Variants in ABCA13 observed in about 807,000 individuals in gnomAD.
The protein encoded by ABCA13 is ATP-binding cassette sub-family A member 13.
ABCA13 carries 476 observed loss-of-function variants against 478.7 expected under a neutral mutation model. The ratio of observed to expected loss-of-function variants is 0.99; its 90% CI spans 0.92 to 1.07. ABCA13 has a LOEUF of 1.07. Ranked by LOEUF, ABCA13 falls within the 50% of genes least tolerant of loss-of-function variation. The pLI, the probability that ABCA13 is intolerant of heterozygous loss-of-function variation, is 0.00. For synonymous variants in ABCA13, 2,252 were observed against 2,158.9 expected (o/e 1.04, Z -1.20); for missense variants, 6,060 against 5,910.6 (o/e 1.03, Z -0.83).
At chr7:48,623,559 G>T (rs564743550) in intron 59 of ABCA13, among the ~76,000 whole-genome samples, 1 of 152,300 alleles carries the variant, frequency 6.6e-6, no homozygotes, top group Admixed American at 6.5e-5. Flanking sequence ...AGAGGTAACT[G>T]GTTATTGGCA....
At chr7:48,369,017 C>T (rs1398941628) in intron 32 of ABCA13, among the ~76,000 whole-genome samples, 2 of 151,984 alleles carry the variant, frequency 1.3e-5, no homozygotes, top group East Asian at 3.9e-4. Flanking sequence ...ACATTCCCAC[C>T]AACAGTGTAA....
Position 48,338,353 on chromosome 7 carries a change from AT to A in ABCA13, c.10114-7del, listed in dbSNP as rs1240374683. 1 of 1,552,518 alleles carries A rather than the reference AT, an allele frequency of 6.4e-7. No homozygotes were observed. Reference sequence around the variant, plus strand: ...GCAATTATTTTTATTAAGCTATATTATTTTTCTTTAGGAGGCCCTGAGAAAC... The same window carrying A: ...GCAATTATTTTTATTAAGCTATATTATTTTCTTTAGGAGGCCCTGAGAAAC... On this transcript the variant is annotated splice_polypyrimidine_tract_variant and intron_variant, in intron 28 of 61. Transcript: ENST00000435803.
At chr7:48,175,994 G>A (rs991349257) in intron 1 of ABCA13, among the ~76,000 whole-genome samples, 3 of 152,096 alleles carry the variant, frequency 2.0e-5, no homozygotes, top group African/African-American at 7.2e-5. Context: ...TTTTAATATT[G>A]AACAGAGCAG....
chr7:48,204,299 T>C (rs968225352), intron 3 of ABCA13, among the ~76,000 whole-genome samples: 2 of 151,022 alleles, frequency 1.3e-5, no homozygotes, highest in Non-Finnish European at 2.9e-5. Context: ...AACCTCCGCC[T>C]CCCGGGTTCA....
At chr7:48,476,242 C>T (rs1828074474) in intron 45 of ABCA13, among the ~76,000 whole-genome samples, 1 of 152,156 alleles carries the variant, frequency 6.6e-6, no homozygotes, top group Non-Finnish European at 1.5e-5. Context: ...ACACACATCT[C>T]TATCTCCATT....
At position 48,372,157 on chromosome 7, in the gene ABCA13, C is replaced by T. The variant is rs199915686; in HGVS notation, c.10804-11C>T. The T allele has an allele frequency of 3.7e-6, 6 of 1,601,830 alleles. No homozygotes were observed. The highest frequency in any genetic ancestry group is 1.1e-5 in the South Asian group (1 of 89,924). On this transcript the variant is annotated splice_polypyrimidine_tract_variant and intron_variant, in intron 32 of 61. Transcript: ENST00000435803. ...GCTGTGGTAACCTTGGGTTTTTTCT[C>T]TTTTTGGTAGTATATGCGGATGATG...
At position 48,334,228 on chromosome 7, in the gene ABCA13, T is replaced by C. The variant is rs1456254398; in HGVS notation, c.10000-1194T>C. On this transcript the variant is annotated intron_variant, in intron 27 of 61. Transcript: ENST00000435803. Reference sequence around the variant, plus strand: ...TTCAACCTTTGCATATCTGTATGCATTTTTGGTTAGTATAGCTGGCGTTTA... The same window carrying C: ...TTCAACCTTTGCATATCTGTATGCACTTTTGGTTAGTATAGCTGGCGTTTA... Among the ~76,000 whole-genome samples, 6 of 152,188 alleles carry C rather than the reference T, an allele frequency of 3.9e-5. 1 individual carries two copies. The highest frequency in any genetic ancestry group is 1.4e-4 in the African/African-American group (6 of 41,446).
chr7:48,439,231 G>A (rs1022693378), intron 42 of ABCA13, among the ~76,000 whole-genome samples: 4 of 152,112 alleles, frequency 2.6e-5, no homozygotes, highest in Admixed American at 6.6e-5. Context: ...CTAGAGCTCA[G>A]GGGTCTCTTC....
intron 26 of ABCA13, 45 bp from the exon 27 acceptor site, chr7:48,317,112 A>T (rs1308737510): frequency 1.3e-6 from 2 of 1,577,348 alleles, no homozygotes; most frequent in Non-Finnish European, 1.7e-6. Flanking sequence ...TAACCTAGGC[A>T]TCGTGTATCA....
chr7:48,539,258 A>G (rs1833803565), intron 55 of ABCA13, among the ~76,000 whole-genome samples: 1 of 147,472 alleles, frequency 6.8e-6, no homozygotes, highest in East Asian at 2.0e-4. Flanking sequence ...CTTGTGTAAA[A>G]ATAATAAATA....
At chr7:48,245,749 T>A in intron 12 of ABCA13, 114 bp from the exon 13 acceptor site, 3 of 1,441,416 alleles carry the variant, frequency 2.1e-6, no homozygotes, top group Non-Finnish European at 1.9e-6. Context: ...CAAAACTTTA[T>A]GTTGTGTTTA....
intron 31 of ABCA13, among the ~76,000 whole-genome samples, chr7:48,358,913 C>A (rs1005616102): frequency 1.3e-5 from 2 of 151,950 alleles, no homozygotes; most frequent in Admixed American, 1.3e-4. Context: ...GTGCATCTCA[C>A]CTTCTAAGTT....
chr7:48,455,147 A>C lies in ABCA13; in HGVS notation c.12676A>C (p.Thr4226Pro). The C allele has an allele frequency of 6.3e-7, 1 of 1,576,282 alleles. No homozygotes were observed. Among genetic ancestry groups the C allele is most frequent in the Non-Finnish European group, 8.6e-7 (1 of 1,161,492 alleles). The change falls in exon 43 of 62, where the codon ACC (threonine) becomes CCC (proline). Residue 4226 changes from threonine to proline, a missense_variant. By Grantham distance (38) the Thr-to-Pro change is conservative. Transcript: ENST00000435803. ...CCGCACGCTGCGCGCCGGGAAGAGC[A>C]CCCTCGCCGACCTGCTGCTGCCAGT... is the stretch of plus-strand genomic sequence containing the variant. ...LRRTLRAGKSTLADLLLPVLF... is the reference protein window; with the variant it reads ...LRRTLRAGKSPLADLLLPVLF...
intron 29 of ABCA13, among the ~76,000 whole-genome samples, chr7:48,348,013 T>C (rs1004043882): frequency 6.6e-6 from 1 of 152,170 alleles, no homozygotes; most frequent in Non-Finnish European, 1.5e-5. Flanking sequence ...GGCACCCAAC[T>C]CCATCTGACC....
At chr7:48,537,497 G>C (rs1350403276) in intron 55 of ABCA13, among the ~76,000 whole-genome samples, 1 of 152,176 alleles carries the variant, frequency 6.6e-6, no homozygotes, top group Non-Finnish European at 1.5e-5. Context: ...GAGCACACCT[G>C]AACAAGGGAG....
At chr7:48,504,673 C>T (rs895418906) in intron 48 of ABCA13, among the ~76,000 whole-genome samples, 21 of 152,176 alleles carry the variant, frequency 1.4e-4, no homozygotes, top group Admixed American at 8.5e-4. Context: ...CTCATTCTTA[C>T]GTAGAGTCTA....
At position 48,231,391 on chromosome 7, in the gene ABCA13, GTGAGATACT is replaced by G. The variant is rs1789056247; in HGVS notation, c.763+1439_763+1447del. 4.6e-5 allele frequency among the ~76,000 whole-genome samples: 7 copies of G among 152,286 alleles called. No individual in the cohort carries two copies. The South Asian group carries it at 1.4e-3, about 32-fold the overall frequency. ...AGCATTTCCAGGAAGAGAGAAGACT[GTGAGATACT>G]TGGGCTTGCTGAGAGCTGTGAATGT... On this transcript the variant is annotated intron_variant, in intron 7 of 61. Coordinates refer to ENST00000435803, the MANE Select transcript of ABCA13 (RefSeq NM_152701.5).
chr7:48,307,552 G>A (rs150199632), intron 23 of ABCA13, among the ~76,000 whole-genome samples: 23 of 152,176 alleles, frequency 1.5e-4, no homozygotes, highest in Non-Finnish European at 3.2e-4. Flanking sequence ...TGCAGGCCTA[G>A]GACATGCCTG....
Position 48,272,927 on chromosome 7 carries a change from C to T in ABCA13, c.3261C>T (p.Phe1087=). 2 of 1,612,824 alleles carry T rather than the reference C, an allele frequency of 1.2e-6. No homozygotes were observed. The highest frequency in any genetic ancestry group is 1.7e-6 in the Non-Finnish European group (2 of 1,179,328). Residue 1087 remains phenylalanine (F), a synonymous_variant, in exon 17 of 62, where the codon TTC becomes TTT. Coordinates refer to ENST00000435803, the MANE Select transcript of ABCA13 (RefSeq NM_152701.5). ...TATTTCAATATATGAGCCAATTCTTCAACAGTTCAGTAGAAGACCTATTGG... is the reference window on the plus strand; with the variant it reads ...TATTTCAATATATGAGCCAATTCTTTAACAGTTCAGTAGAAGACCTATTGG... ...ISLFQYMSQF[F]NSSVEDLLDN... is the part of the protein sequence containing the mutation.
Sources: gnomAD v4.1 joint callset for allele counts (sites outside exome capture counted in the v4.1 genomes callset) on GRCh38, gnomAD v4.1.1 for gene constraint, MANE v1.5 for transcripts, NCBI Gene and HGNC (gene_info 2026-07-23, HGNC 2026-07-21) for gene names.